PTCD2: variants seen among roughly 807,000 people sequenced by gnomAD.
PTCD2 encodes pentatricopeptide repeat-containing protein 2, mitochondrial.
Under a neutral mutation model 42.6 loss-of-function variants are expected in PTCD2, and 31 were observed. The observed-to-expected ratio is 0.73, with a 90% confidence interval of 0.55 to 0.98. The LOEUF (loss-of-function observed/expected upper bound fraction) is 0.98. Among genes scored for constraint, PTCD2 ranks in the 50% least tolerant of loss-of-function variants. The probability of loss-of-function intolerance (pLI) is 0.00; values close to 1 mark genes in which losing one functional copy is unlikely to be tolerated. For synonymous variants in PTCD2, 183 were observed against 170.9 expected (o/e 1.07, Z -0.55); for missense variants, 476 against 454.8 (o/e 1.05, Z -0.42).
chr5:72,326,876 C>T lies in PTCD2; in HGVS notation c.350+135C>T, dbSNP rs192438915. 14 of 820,846 alleles carry T rather than the reference C, an allele frequency of 1.7e-5. No individual in the cohort carries two copies. The Admixed American group carries it at 3.4e-4, about 20-fold the overall frequency. 50.8% of individuals were successfully genotyped at this position (820,846 alleles called of 1,614,324 possible). Reference sequence around the variant, plus strand: ...CCAGATCTCTTGTTCGGATGCCTACCTTGAACTCCAGACACCTACATTCAC... The same window carrying T: ...CCAGATCTCTTGTTCGGATGCCTACTTTGAACTCCAGACACCTACATTCAC... On this transcript the variant is annotated intron_variant, in intron 3 of 9. Coordinates refer to ENST00000380639, the MANE Select transcript of PTCD2 (RefSeq NM_024754.5).
chr5:72,322,955 A>G (rs1307983354), intron 2 of PTCD2, among the ~76,000 whole-genome samples: 2 of 152,120 alleles, frequency 1.3e-5, no homozygotes, highest in African/African-American at 4.8e-5. Context: ...GGAGTTTGAG[A>G]TCAGCCTGAG....
chr5:72,342,040 G>A (rs564183276), intron 7 of PTCD2, among the ~76,000 whole-genome samples: 36 of 151,222 alleles, frequency 2.4e-4, no homozygotes, highest in Non-Finnish European at 4.7e-4. Flanking sequence ...GCGAGACTCC[G>A]TCTAAAAAAA....
At chr5:72,333,001 G>A (rs995432282) in intron 4 of PTCD2, among the ~76,000 whole-genome samples, 3 of 152,180 alleles carry the variant, frequency 2.0e-5, no homozygotes, top group African/African-American at 7.2e-5. Flanking sequence ...TTTTTTAAAT[G>A]AGGCTAATTG....
chr5:72,344,492 G>A (rs939021250), intron 8 of PTCD2, among the ~76,000 whole-genome samples: 5 of 152,052 alleles, frequency 3.3e-5, no homozygotes, highest in Non-Finnish European at 5.9e-5. Flanking sequence ...CAGCCTTGGC[G>A]ACAGAGCAAG....
intron 6 of PTCD2, among the ~76,000 whole-genome samples, chr5:72,337,320 A>C (rs1486741941): frequency 6.6e-6 from 1 of 151,940 alleles, no homozygotes; most frequent in African/African-American, 2.4e-5. Context: ...CAAGGGTCAT[A>C]GTTTGCTGAC....
chr5:72,344,694 A>G (rs571846866), intron 8 of PTCD2, among the ~76,000 whole-genome samples: 1 of 152,240 alleles, frequency 6.6e-6, no homozygotes, highest in East Asian at 1.9e-4. Flanking sequence ...GGCCAGTCTG[A>G]GAAATAAAGG....
Position 72,320,457 on chromosome 5 carries a change from G to A in PTCD2, c.75G>A (p.Val25=). ...TCCTGCAGGCGCTGCAGATTTTGGT[G>A]TATCCTGGGGTGGGAGGCTCCGGCT... ...RVLLQALQIL[V]YPGVGGSGSV... is the part of the protein sequence containing the mutation. The change falls in exon 1 of 10, where the codon GTG becomes GTA. Residue 25 remains valine, a synonymous_variant. Coordinates refer to ENST00000380639, the MANE Select transcript of PTCD2 (RefSeq NM_024754.5). 6.2e-7 allele frequency: 1 copy of A among 1,614,160 alleles called. No individual in the cohort carries two copies. The highest frequency in any genetic ancestry group is 1.3e-5 in the African/African-American group (1 of 75,040).
At position 72,358,578 on chromosome 5, in the gene PTCD2, G is replaced by C. The variant is rs1239880904; in HGVS notation, c.*151G>C. 1.6e-6 allele frequency: 1 copy of C among 627,814 alleles called. No homozygotes were observed. The highest frequency in any genetic ancestry group is 2.7e-5 in the East Asian group (1 of 36,558). The allele number at this position is 627,814 out of a possible 1,614,324, so 38.9% of individuals were successfully genotyped here. On this transcript the variant is annotated 3_prime_UTR_variant, in exon 10 of 10. Coordinates refer to ENST00000380639, the MANE Select transcript of PTCD2 (RefSeq NM_024754.5). ...CAAATTCACTGAATGGTACCATGCC[G>C]ATCTCTGAGAAGTTATGTTGCACCA... is the stretch of plus-strand genomic sequence containing the variant.
intron 4 of PTCD2, 31 bp downstream of exon 4, chr5:72,331,406 A>G: frequency 4.9e-6 from 7 of 1,436,590 alleles, no homozygotes; most frequent in South Asian, 1.1e-5. Flanking sequence ...TTCTCTGCCA[A>G]TGTGTGTGTT....
At chr5:72,356,812 G>C (rs1158484252) in intron 9 of PTCD2, among the ~76,000 whole-genome samples, 1 of 152,188 alleles carries the variant, frequency 6.6e-6, no homozygotes, top group African/African-American at 2.4e-5. Context: ...TAAGCTGCTT[G>C]TCTGCAGGCA....
At position 72,366,088 on chromosome 5, in the gene PTCD2, C is replaced by G. The variant is rs1336529737; in HGVS notation, c.*7661C>G. ...AAAATTAGCCAGGCGTGGTGGCGGG[C>G]ATCTGTAATTTCAGCTACTCAGGAG... On this transcript the variant is annotated 3_prime_UTR_variant, in exon 10 of 10. Transcript: ENST00000380639. The G allele has an allele frequency of 6.6e-6, 1 of 152,092 alleles. No homozygotes were observed. Among genetic ancestry groups the G allele is most frequent in the African/African-American group, 2.4e-5 (1 of 41,418 alleles). The allele number at this position is 152,092 out of a possible 1,614,324, so 9.4% of individuals were successfully genotyped here.
At chr5:72,338,773 G>T (rs1362005108) in intron 7 of PTCD2, 38 bp downstream of exon 7, 4 of 1,136,938 alleles carry the variant, frequency 3.5e-6, no homozygotes, top group Middle Eastern at 4.0e-4. Flanking sequence ...ATTGGGAGTG[G>T]CCAGGACTTC....
chr5:72,327,472 AT>A (rs11416975), intron 3 of PTCD2, among the ~76,000 whole-genome samples: 389 of 136,026 alleles, frequency 2.9e-3, no homozygotes, highest in East Asian at 6.1e-3. Context: ...TTTTTAAACT[AT>A]TTTTTTTTTT....
chr5:72,335,005 T>C lies in PTCD2; in HGVS notation c.469-13T>C, dbSNP rs781175220. On this transcript the variant is annotated splice_polypyrimidine_tract_variant and intron_variant, in intron 4 of 9. Coordinates refer to ENST00000380639, the MANE Select transcript of PTCD2 (RefSeq NM_024754.5). ...TTAACTTTTAACCAAACTGTATTGT[T>C]CTTCTTCGTTAGCATTTACGAGGTT... is the stretch of plus-strand genomic sequence containing the variant. The C allele has an allele frequency of 6.5e-7, 1 of 1,542,806 alleles. No homozygotes were observed.
At chr5:72,351,525 G>A (rs1208422370) in intron 8 of PTCD2, among the ~76,000 whole-genome samples, 5 of 152,098 alleles carry the variant, frequency 3.3e-5, no homozygotes, top group African/African-American at 1.2e-4. Context: ...CCAGAGATTG[G>A]GTAATTTATA....
intron 8 of PTCD2, among the ~76,000 whole-genome samples, chr5:72,344,138 A>G (rs927598207): frequency 6.6e-6 from 1 of 152,132 alleles, no homozygotes; most frequent in African/African-American, 2.4e-5. Context: ...CTAGAGGAGG[A>G]CAGGACTGTG....
In PTCD2 at chr5:72,320,683, A is replaced by T. The variant is rs1012112050; in HGVS notation, c.127+174A>T. On this transcript the variant is annotated intron_variant, in intron 1 of 9. Transcript: ENST00000380639. The stretch of plus-strand genomic sequence containing the variant: ...CAGTGGTGACCACTGGGGGTCGTGG[A>T]TACCCCCAGTGCCTGCAAATCGAAG... 3 of 787,426 alleles carry T rather than the reference A, an allele frequency of 3.8e-6. No homozygotes were observed. The African/African-American group carries it at 5.2e-5, about 14-fold the overall frequency. 48.8% of individuals were successfully genotyped at this position (787,426 alleles called of 1,614,324 possible).
At position 72,342,167 on chromosome 5, in the gene PTCD2, C is replaced by T. The variant is rs374991931; in HGVS notation, c.754-795C>T. ...GTCAGAGAAAGAGAGAACAACAGAGCGGGACACCAGAGCACTGTTCTAGAC... is the reference window on the plus strand; with the variant it reads ...GTCAGAGAAAGAGAGAACAACAGAGTGGGACACCAGAGCACTGTTCTAGAC... On this transcript the variant is annotated intron_variant, in intron 7 of 9. Transcript: ENST00000380639. Among the ~76,000 whole-genome samples, 364 of 152,224 alleles carry T rather than the reference C, an allele frequency of 2.4e-3. 4 individuals are homozygous for T. Among genetic ancestry groups the T allele is most frequent in the African/African-American group, 8.4e-3 (351 of 41,544 alleles).
At position 72,358,464 on chromosome 5, in the gene PTCD2, G is replaced by A. The variant is rs184594147; in HGVS notation, c.*37G>A. The A allele has an allele frequency of 2.0e-6, 3 of 1,469,048 alleles. No individual in the cohort carries two copies. The highest frequency in any genetic ancestry group is 4.6e-5 in the East Asian group (2 of 43,520). 91.0% of individuals were successfully genotyped at this position (1,469,048 alleles called of 1,614,324 possible). The stretch of plus-strand genomic sequence containing the variant: ...GTCCACCTATGGATCTGAGGGGCCT[G>A]CTTCTAGTGAGTTATTACCTTTCCT... On this transcript the variant is annotated 3_prime_UTR_variant, in exon 10 of 10. Coordinates refer to ENST00000380639, the MANE Select transcript of PTCD2 (RefSeq NM_024754.5).
Sources: allele counts gnomAD v4.1 joint callset (sites outside exome capture counted in the v4.1 genomes callset), GRCh38; gene constraint gnomAD v4.1.1; transcripts MANE v1.5; gene names NCBI Gene and HGNC (gene_info 2026-07-23, HGNC 2026-07-21).